MYO5B: variants seen among roughly 807,000 people sequenced by gnomAD.
MYO5B encodes the protein myosin VB, also known as unconventional myosin-Vb.
In MYO5B, 143 loss-of-function variants were observed where a neutral mutation model predicts 229.3. That is an observed-to-expected ratio of 0.62 (90% CI 0.54 to 0.72). The LOEUF (loss-of-function observed/expected upper bound fraction) is 0.72. Among genes scored for constraint, MYO5B ranks in the 30% least tolerant of loss-of-function variants. MYO5B has a pLI of 0.00. For missense variants in MYO5B, 2,321 were observed against 2,331.0 expected (o/e 1.00, Z 0.09); for synonymous variants, 918 against 885.2 (o/e 1.04, Z -0.66).
At chr18:50,006,059 G>A (rs2026098014) in intron 4 of MYO5B, among the ~76,000 whole-genome samples, 1 of 152,140 alleles carries the variant, frequency 6.6e-6, no homozygotes, top group African/African-American at 2.4e-5. Flanking sequence ...TCTGTTTTCT[G>A]GCCCTCCATC....
At chr18:50,019,616 T>C (rs1322115370) in intron 4 of MYO5B, among the ~76,000 whole-genome samples, 1 of 152,176 alleles carries the variant, frequency 6.6e-6, no homozygotes, top group Admixed American at 6.5e-5. Context: ...GGATTCAAGG[T>C]CTTTCTCAGT....
chr18:49,970,826 T>C (rs1469853659), intron 10 of MYO5B: 1 of 152,190 alleles, frequency 6.6e-6, no homozygotes, highest in Non-Finnish European at 1.5e-5. Flanking sequence ...GTTTCCTAGC[T>C]TTGCCCATTT....
intron 2 of MYO5B, among the ~76,000 whole-genome samples, chr18:50,043,151 A>G (rs1379808221): frequency 6.7e-6 from 1 of 149,838 alleles, no homozygotes; most frequent in Non-Finnish European, 1.5e-5. Context: ...ATAGCAGCAC[A>G]ATTCACAATT....
chr18:50,123,326 A>T (rs1790442), intron 1 of MYO5B, among the ~76,000 whole-genome samples: 124,456 of 151,886 alleles, frequency 0.82, 51,303 homozygotes, highest in Admixed American at 0.87. Flanking sequence ...TTATGAAAAT[A>T]TTTTGGAACT....
At chr18:50,185,289 T>TAAA (rs202116346) in intron 1 of MYO5B, among the ~76,000 whole-genome samples, 14 of 139,092 alleles carry the variant, frequency 1.0e-4, no homozygotes, top group African/African-American at 3.4e-4. Flanking sequence ...AATAAGAATT[T>TAAA]AAAAAAAAAA....
At chr18:50,056,447 T>C (rs2030551595) in intron 1 of MYO5B, among the ~76,000 whole-genome samples, 1 of 152,220 alleles carries the variant, frequency 6.6e-6, no homozygotes. Context: ...GAACAATTTC[T>C]GCATTTTCAT....
At chr18:50,007,184 G>C (rs1938885199) in intron 4 of MYO5B, among the ~76,000 whole-genome samples, 1 of 152,116 alleles carries the variant, frequency 6.6e-6, no homozygotes, top group South Asian at 2.1e-4. Context: ...CGAATTCCCA[G>C]GGCTCCTGGC....
intron 2 of MYO5B, among the ~76,000 whole-genome samples, chr18:50,043,570 AT>A (rs1250247831): frequency 1.1e-4 from 14 of 129,770 alleles, no homozygotes; most frequent in Non-Finnish European, 1.9e-4. Context: ...AAGTATATAT[AT>A]TTTTATATAA....
At chr18:50,060,265 A>T (rs551727611) in intron 1 of MYO5B, among the ~76,000 whole-genome samples, 3 of 152,338 alleles carry the variant, frequency 2.0e-5, no homozygotes, top group African/African-American at 4.8e-5. Flanking sequence ...ATCGGTTCAC[A>T]TTACTAGTCT....
intron 32 of MYO5B, 34 bp downstream of exon 32, chr18:49,849,533 G>T: frequency 2.0e-6 from 3 of 1,491,898 alleles, no homozygotes; most frequent in South Asian, 1.1e-5. Flanking sequence ...GTATACCTGT[G>T]ATTCACAAAA....
At chr18:50,046,252 T>C (rs2030222821) in intron 2 of MYO5B, among the ~76,000 whole-genome samples, 1 of 152,194 alleles carries the variant, frequency 6.6e-6, no homozygotes, top group South Asian at 2.1e-4. Flanking sequence ...CTGGAATCCC[T>C]GGGAGAGCTT....
intron 2 of MYO5B, among the ~76,000 whole-genome samples, chr18:50,051,026 C>T (rs977885552): frequency 6.6e-6 from 1 of 152,176 alleles, no homozygotes; most frequent in Non-Finnish European, 1.5e-5. Flanking sequence ...ATTCATACTA[C>T]TCTTATGTGT....
chr18:49,981,803 A>T (rs2144295381), intron 8 of MYO5B, among the ~76,000 whole-genome samples: 1 of 152,266 alleles, frequency 6.6e-6, no homozygotes, highest in East Asian at 1.9e-4. Context: ...CCCCCCAAAA[A>T]ACACCAAAGA....
At chr18:50,047,758 C>T (rs1052774801) in intron 2 of MYO5B, among the ~76,000 whole-genome samples, 1 of 151,958 alleles carries the variant, frequency 6.6e-6, no homozygotes, top group Non-Finnish European at 1.5e-5. Context: ...TACTATGCAG[C>T]CATAAAAATG....
chr18:49,971,207 A>ATT (rs1435266890), intron 10 of MYO5B, among the ~76,000 whole-genome samples: 1 of 152,242 alleles, frequency 6.6e-6, no homozygotes, highest in Non-Finnish European at 1.5e-5. Flanking sequence ...CATGAATAGA[A>ATT]TAAAGCCTAA....
At chr18:49,879,244 A>G in intron 23 of MYO5B, 154 bp from the exon 24 acceptor site, 2 of 823,770 alleles carry the variant, frequency 2.4e-6, no homozygotes, top group Non-Finnish European at 4.0e-6. Context: ...CCTACTGCAG[A>G]GCAAAGGTGA....
chr18:50,024,880 T>C (rs2026314013), intron 4 of MYO5B, among the ~76,000 whole-genome samples: 1 of 152,206 alleles, frequency 6.6e-6, no homozygotes, highest in African/African-American at 2.4e-5. Flanking sequence ...TTAAGAGCTT[T>C]GGGGAGTTCC....
rs575117991 is a variant in MYO5B at position 49,872,622 on chromosome 18, G to C, written c.3538-390C>G. Among the ~76,000 whole-genome samples the C allele has an allele frequency of 3.3e-5, 5 of 152,222 alleles. No individual in the cohort carries two copies. In the South Asian group the frequency reaches 1.0e-3, roughly 32 times the overall value. On this transcript the variant is annotated intron_variant, in intron 26 of 39. Coordinates refer to ENST00000285039, the MANE Select transcript of MYO5B (RefSeq NM_001080467.3). ...TTGCAGATGTAATCAAGTTAAGCTG[G>C]GGTCATTTGGGTGGACACTAATCCA... is the stretch of plus-strand genomic sequence containing the variant.
Position 49,887,371 on chromosome 18 carries a change from CTG to C in MYO5B, c.3046-6918_3046-6917del, listed in dbSNP as rs150429428. On this transcript the variant is annotated intron_variant, in intron 22 of 39. Coordinates refer to ENST00000285039, the MANE Select transcript of MYO5B (RefSeq NM_001080467.3). ...TGATCTTCTCAGGTGACCTACTGCT[CTG>C]TGAGCCATCTAGATATTAGGAGGAT... Among the ~76,000 whole-genome samples the C allele has an allele frequency of 1.1e-3, 161 of 152,242 alleles. 2 individuals are homozygous for C. The East Asian group carries it at 0.015, about 14-fold the overall frequency.
Sources: gnomAD v4.1 joint callset for allele counts (sites outside exome capture counted in the v4.1 genomes callset) on GRCh38, gnomAD v4.1.1 for gene constraint, MANE v1.5 for transcripts, NCBI Gene and HGNC (gene_info 2026-07-23, HGNC 2026-07-21) for gene names.